The following THBS4 variants were observed in gnomAD, a reference collection of about 807,000 sequenced individuals.
The protein encoded by THBS4 is thrombospondin-4.
Under a neutral mutation model 115.7 loss-of-function variants are expected in THBS4, and 90 were observed. The observed-to-expected ratio is 0.78, with a 90% CI of 0.66 to 0.93. The LOEUF is 0.93. Ranked by LOEUF, THBS4 falls within the 40% of genes least tolerant of loss-of-function variation. THBS4 has a pLI of 0.00. For missense variants in THBS4, 1,087 were observed against 1,232.7 expected, an observed-to-expected ratio of 0.88 and a Z score of 1.77; for synonymous variants, 460 against 479.3, an observed-to-expected ratio of 0.96 and a Z score of 0.53.
intron 2 of THBS4, among the ~76,000 whole-genome samples, chr5:80,016,497 G>C (rs1832252577): frequency 6.6e-6 from 1 of 152,172 alleles, no homozygotes; most frequent in African/African-American, 2.4e-5. Context: ...AATGAATCCA[G>C]TGAGACAAAA....
In THBS4 at chr5:80,059,491, G is replaced by C. The variant is rs762503087; in HGVS notation, c.784G>C (p.Gly262Arg). ...RNTIAECQAC[G>R]PLKFQSPTPS... ...CACCATAGCTGAATGCCAGGCTTGCGGTAAGTGCTTTTCTAGTAATGGGCT... is the reference window on the plus strand; with the variant it reads ...CACCATAGCTGAATGCCAGGCTTGCCGTAAGTGCTTTTCTAGTAATGGGCT... The change falls in exon 6 of 22, where the codon GGT becomes CGT. Residue 262 changes from glycine (G) to arginine (R), a missense_variant and splice_region_variant. Physicochemically the swap from Gly to Arg is moderately radical, Grantham distance 125. Around this residue, in one of 3 missense-constraint regions of THBS4, gnomAD observed 979 missense variants for 1,103.7 expected, o/e 0.89. Coordinates refer to ENST00000350881, the MANE Select transcript of THBS4 (RefSeq NM_003248.6). 6.2e-7 allele frequency: 1 copy of C among 1,613,992 alleles called. No individual in the cohort carries two copies. The highest frequency in any genetic ancestry group is 2.2e-5 in the East Asian group (1 of 44,868).
chr5:80,025,764 G>A (rs1021042634), intron 2 of THBS4, among the ~76,000 whole-genome samples: 5 of 152,106 alleles, frequency 3.3e-5, no homozygotes, highest in South Asian at 2.1e-4. Flanking sequence ...TCCTCCACGC[G>A]TTCCCCTTCT....
At chr5:80,057,682 CT>C (rs1332798303) in intron 3 of THBS4, among the ~76,000 whole-genome samples, 1 of 152,178 alleles carries the variant, frequency 6.6e-6, no homozygotes, top group Non-Finnish European at 1.5e-5. Flanking sequence ...AGGACATTGA[CT>C]TTTTGACTAA....
In THBS4 at chr5:80,070,712, G is replaced by A; in HGVS notation, c.1522G>A (p.Asp508Asn). ...CAGAGATGGCATTGGCGACGCTTGT[G>A]ACGAGGATGCTGACGGAGATGGGAT... is the stretch of plus-strand genomic sequence containing the variant. ...ADRDGIGDAC[D>N]EDADGDGILN... The change falls in exon 12 of 22, where the codon GAC (aspartate) becomes AAC (asparagine). Residue 508 changes from aspartate (D) to asparagine (N), a missense_variant. By Grantham distance (23) the Asp-to-Asn change is conservative. This residue lies in a region of THBS4 where 979 missense variants were observed against 1,103.7 expected (regional missense o/e 0.89). Coordinates refer to ENST00000350881, the MANE Select transcript of THBS4 (RefSeq NM_003248.6). 6.2e-7 allele frequency: 1 copy of A among 1,614,214 alleles called. No homozygotes were observed. Among genetic ancestry groups the A allele is most frequent in the Non-Finnish European group, 8.5e-7 (1 of 1,180,042 alleles).
chr5:80,004,507 T>G (rs1242783679), intron 2 of THBS4, among the ~76,000 whole-genome samples: 1 of 152,200 alleles, frequency 6.6e-6, no homozygotes, highest in Non-Finnish European at 1.5e-5. Flanking sequence ...CTCCTGCCAC[T>G]GTGGCCTACG....
At position 80,005,736 on chromosome 5, in the gene THBS4, G is replaced by A. The variant is rs574156168; in HGVS notation, n.177+7309G>A. Among the ~76,000 whole-genome samples, 8 of 151,728 alleles carry A rather than the reference G, an allele frequency of 5.3e-5. No individual in the cohort carries two copies. The East Asian group carries it at 7.7e-4, about 15-fold the overall frequency. On this transcript the variant is annotated intron_variant and non_coding_transcript_variant, in intron 2 of 3. Transcript: ENST00000510218. ...TAGAGATGTTTATAACCTGGAACAC[G>A]GTACACGGTATGTTTTGTTTGTGGC...
intron 10 of THBS4, among the ~76,000 whole-genome samples, chr5:80,069,694 C>G (rs993099085): frequency 1.3e-4 from 20 of 152,220 alleles, no homozygotes; most frequent in Non-Finnish European, 2.6e-4. Flanking sequence ...AAGGATCAGC[C>G]TCGTGGATCA....
rs528870894 is a variant in THBS4, at chr5:80,054,714, C to T, written c.293-1071C>T. Among the ~76,000 whole-genome samples, 8 of 152,220 alleles carry T rather than the reference C, an allele frequency of 5.3e-5. No individual in the cohort carries two copies. The East Asian group carries it at 7.8e-4, about 15-fold the overall frequency. ...TCCTGAACTCAAGCGATTCTCCCAC[C>T]TCGGCCTCCCAAAGTGCTCGGATTA... On this transcript the variant is annotated intron_variant, in intron 2 of 21. Transcript: ENST00000350881.
Position 80,080,088 on chromosome 5 carries a change from G to A in THBS4, c.2684+11G>A, listed in dbSNP as rs779511129. The A allele has an allele frequency of 1.2e-6, 2 of 1,611,764 alleles. No homozygotes were observed. Among genetic ancestry groups the A allele is most frequent in the Non-Finnish European group, 1.7e-6 (2 of 1,178,898 alleles). ...GGTGGGCTACATCAGGTAGGTAGAG[G>A]CCCCATCTCCTTACCTTGCTCTAGA... On this transcript the variant is annotated intron_variant, in intron 20 of 21. Transcript: ENST00000350881.
At chr5:80,052,608 C>A (rs1833290375) in intron 2 of THBS4, 1 of 152,212 alleles carries the variant, frequency 6.6e-6, no homozygotes, top group African/African-American at 2.4e-5. Flanking sequence ...GTGGTGGTGA[C>A]CACGTCGACA....
intron 9 of THBS4, 76 bp from the exon 10 acceptor site, chr5:80,067,897 C>T (rs970078275): frequency 5.7e-5 from 87 of 1,537,122 alleles, no homozygotes; most frequent in Non-Finnish European, 7.1e-5. Flanking sequence ...AAAATATACA[C>T]AATAACTGTA....
chr5:80,038,120 C>T (rs192538675), intron 1 of THBS4, among the ~76,000 whole-genome samples: 140 of 152,074 alleles, frequency 9.2e-4, no homozygotes, highest in African/African-American at 2.9e-3. Context: ...ATTACAAAAG[C>T]AATACCTGCC....
chr5:80,054,481 T>C (rs1833359295), intron 2 of THBS4, among the ~76,000 whole-genome samples: 2 of 152,018 alleles, frequency 1.3e-5, no homozygotes. Flanking sequence ...CCACCATGCC[T>C]GGCTAATTTT....
chr5:80,058,419 CCAA>C, intron 4 of THBS4, 105 bp downstream of exon 4: 2 of 779,434 alleles, frequency 2.6e-6, no homozygotes, highest in South Asian at 3.4e-5. Flanking sequence ...ACAGAGCAGC[CCAA>C]CAAAACGTAT....
chr5:80,033,416 T>C (rs1832623903), upstream of THBS4: 1 of 157,650 alleles, frequency 6.3e-6, no homozygotes, highest in Non-Finnish European at 1.4e-5. Context: ...AGTGAGGCAA[T>C]CCACATTTTA....
At chr5:80,037,390 T>C (rs914566076) in intron 1 of THBS4, among the ~76,000 whole-genome samples, 6 of 152,182 alleles carry the variant, frequency 3.9e-5, no homozygotes, top group Non-Finnish European at 7.4e-5. Flanking sequence ...CTGAGCTTCA[T>C]TGTTGGTCTT....
intron 20 of THBS4, 63 bp downstream of exon 20, chr5:80,080,140 CA>C (rs1743416830): frequency 6.5e-7 from 1 of 1,528,264 alleles, no homozygotes; most frequent in African/African-American, 1.4e-5. Context: ...TTCTGCATCC[CA>C]GAGCCTTCAT....
intron 2 of THBS4, among the ~76,000 whole-genome samples, chr5:80,017,289 A>G (rs1057449429): frequency 6.6e-6 from 1 of 152,348 alleles, no homozygotes; most frequent in African/African-American, 2.4e-5. Flanking sequence ...TTTTATTTAG[A>G]TAAGAAAATC....
At chr5:80,052,750 A>C (rs1323789332) in intron 2 of THBS4, 1 of 152,282 alleles carries the variant, frequency 6.6e-6, no homozygotes, top group Admixed American at 6.5e-5. Context: ...ATGAACCTAG[A>C]AAGTCTAATG....
Sources: gnomAD v4.1 joint callset for allele counts (sites outside exome capture counted in the v4.1 genomes callset) on GRCh38, gnomAD v4.1.1 for gene constraint, gnomAD v4.1.1 regional missense constraint, MANE v1.5 for transcripts, NCBI Gene and HGNC (gene_info 2026-07-23, HGNC 2026-07-21) for gene names.